RANBP2: variants seen among roughly 807,000 people sequenced by gnomAD.
RANBP2 encodes E3 SUMO-protein ligase RanBP2.
A neutral mutation model predicts 303.6 loss-of-function variants in RANBP2; 57 were observed. The observed-to-expected ratio is 0.19, with a 90% CI of 0.15 to 0.23. RANBP2 has a LOEUF of 0.23. RANBP2 is among the 10% of genes least tolerant of loss of function. The probability of loss-of-function intolerance (pLI) is 1.00; values close to 1 mark genes in which losing one functional copy is unlikely to be tolerated. For missense variants in RANBP2, 3,138 were observed against 3,780.8 expected (o/e 0.83, Z 4.46); for synonymous variants, 1,167 against 1,301.5 (o/e 0.90, Z 2.23).
the RANBP2 span, among the ~76,000 whole-genome samples, chr2:109,585,530 A>G: frequency 5.5e-3 from 837 of 152,334 alleles, 5 homozygotes; most frequent in African/African-American, 0.019. Context: ...AACAACACTG[A>G]GATGTTTATA....
At chr2:109,413,200 C>G in the RANBP2 span, among the ~76,000 whole-genome samples, 1 of 152,174 alleles carries the variant, frequency 6.6e-6, no homozygotes, top group Non-Finnish European at 1.5e-5. Context: ...CTGCAACCTC[C>G]GCCTCATGGG....
At chr2:109,108,643 C>T in the RANBP2 span, among the ~76,000 whole-genome samples, 2 of 152,286 alleles carry the variant, frequency 1.3e-5, no homozygotes, top group South Asian at 4.1e-4. Context: ...AACCTGGAAA[C>T]ATACAGGATA....
At chr2:109,338,366 C>T in the RANBP2 span, among the ~76,000 whole-genome samples, 16 of 151,968 alleles carry the variant, frequency 1.1e-4, no homozygotes, top group South Asian at 6.2e-4. Flanking sequence ...ACTCCTTGAG[C>T]GCTGGGGACC....
the RANBP2 span, among the ~76,000 whole-genome samples, chr2:109,334,083 G>T: frequency 6.6e-6 from 1 of 152,148 alleles, no homozygotes; most frequent in African/African-American, 2.4e-5. Flanking sequence ...TCAAAACCAG[G>T]TTCAGAGGCT....
chr2:108,972,301 G>T, the RANBP2 span, among the ~76,000 whole-genome samples: 1 of 152,228 alleles, frequency 6.6e-6, no homozygotes, highest in African/African-American at 2.4e-5. Context: ...TAGCCATGCC[G>T]GCCCAGTTCT....
the RANBP2 span, chr2:109,348,029 T>G: frequency 5.4e-6 from 8 of 1,491,290 alleles, no homozygotes; most frequent in Non-Finnish European, 7.2e-6. Flanking sequence ...CACAGACCTA[T>G]AGCCAGACAG....
Position 108,772,599 on chromosome 2 carries a change from G to T in RANBP2, c.8113+18G>T. On this transcript the variant is annotated intron_variant, in intron 22 of 28. Coordinates refer to ENST00000283195, the MANE Select transcript of RANBP2 (RefSeq NM_006267.5). Reference sequence around the variant, plus strand: ...TACAGCAGGTATGTTAAGTGTAAAGGACATTTATAATGCTTTTAACAAGTC... The same window carrying T: ...TACAGCAGGTATGTTAAGTGTAAAGTACATTTATAATGCTTTTAACAAGTC... The T allele has an allele frequency of 6.3e-7, 1 of 1,594,876 alleles. No homozygotes were observed. The highest frequency in any genetic ancestry group is 1.1e-5 in the South Asian group (1 of 90,432).
chr2:109,736,675 C>T, the RANBP2 span, among the ~76,000 whole-genome samples: 2 of 151,954 alleles, frequency 1.3e-5, no homozygotes, highest in Middle Eastern at 3.2e-3. Flanking sequence ...CAAAGTAAGA[C>T]GAATGGCCCA....
the RANBP2 span, among the ~76,000 whole-genome samples, chr2:108,796,846 AG>A: frequency 4.1e-4 from 63 of 152,116 alleles, no homozygotes; most frequent in South Asian, 1.2e-3. Flanking sequence ...GGGTGAAGAG[AG>A]GTTAGTTAAT....
rs748217790 is a variant in RANBP2 at position 108,736,194 on chromosome 2, A to G, written c.727A>G (p.Met243Val). 6.2e-6 allele frequency: 10 copies of G among 1,611,948 alleles called. No homozygotes were observed. The East Asian group carries it at 2.2e-4, about 36-fold the overall frequency. The stretch of plus-strand genomic sequence containing the variant: ...CTTACTGCTGGCCTATGCTAATCTT[A>G]TGCTTCTTACGCTTTCCACTAGAGA... ...TDLLLAYANL[M>V]LLTLSTRDVQ... The change falls in exon 6 of 29, where the codon ATG becomes GTG. Residue 243 changes from methionine (M) to valine (V), a missense_variant. Transcript: ENST00000283195.
the RANBP2 span, chr2:108,846,993 G>A: frequency 1.1e-6 from 1 of 895,612 alleles, no homozygotes; most frequent in Admixed American, 2.3e-5. Context: ...ATATATTAAA[G>A]CAATTCTTTT....
the RANBP2 span, among the ~76,000 whole-genome samples, chr2:109,204,233 G>A: frequency 6.6e-6 from 1 of 152,172 alleles, no homozygotes; most frequent in Non-Finnish European, 1.5e-5. Context: ...TGTCTTGGGT[G>A]AACCATGAAA....
At chr2:109,439,399 C>G in the RANBP2 span, among the ~76,000 whole-genome samples, 1 of 152,140 alleles carries the variant, frequency 6.6e-6, no homozygotes, top group Admixed American at 6.5e-5. Context: ...GTTCCTGCGG[C>G]ATTTTCCACT....
chr2:108,754,253 G>A (rs1370753921), intron 15 of RANBP2, among the ~76,000 whole-genome samples: 1 of 151,352 alleles, frequency 6.6e-6, no homozygotes, highest in Non-Finnish European at 1.5e-5. Context: ...TCTTAGCAGT[G>A]TAATCAAAAC....
the RANBP2 span, among the ~76,000 whole-genome samples, chr2:109,144,131 G>T: frequency 6.0e-4 from 91 of 152,282 alleles, 1 homozygote; most frequent in Middle Eastern, 0.024. Flanking sequence ...TGTGCAGCAT[G>T]GTGACCATAG....
At chr2:109,548,417 G>T in the RANBP2 span, among the ~76,000 whole-genome samples, 1 of 152,168 alleles carries the variant, frequency 6.6e-6, no homozygotes, top group Admixed American at 6.5e-5. Flanking sequence ...TGGGCGTGAT[G>T]GCTCATTGAG....
the RANBP2 span, among the ~76,000 whole-genome samples, chr2:109,626,900 A>G: frequency 6.6e-6 from 1 of 152,240 alleles, no homozygotes; most frequent in East Asian, 1.9e-4. Flanking sequence ...GTGGGTGTCC[A>G]TAACGGTGTA....
chr2:108,727,665 G>A (rs929281419), intron 1 of RANBP2, among the ~76,000 whole-genome samples: 6 of 146,650 alleles, frequency 4.1e-5, no homozygotes, highest in African/African-American at 1.5e-4. Flanking sequence ...GTGCAGTGGT[G>A]CGATCTTGGC....
At chr2:109,204,339 T>C in the RANBP2 span, among the ~76,000 whole-genome samples, 1 of 152,256 alleles carries the variant, frequency 6.6e-6, no homozygotes, top group Non-Finnish European at 1.5e-5. Flanking sequence ...TTATCTCACC[T>C]AAGAGAGTTA....
Sources: allele counts gnomAD v4.1 joint callset (sites outside exome capture counted in the v4.1 genomes callset), GRCh38; gene constraint gnomAD v4.1.1; transcripts MANE v1.5; gene names NCBI Gene and HGNC (gene_info 2026-07-23, HGNC 2026-07-21).